Variants in JARID2 observed in about 807,000 individuals in gnomAD.
JARID2 encodes protein Jumonji.
A neutral mutation model predicts 125.6 loss-of-function variants in JARID2; 21 were observed. That is an observed-to-expected ratio of 0.17 (90% CI 0.12 to 0.24). The LOEUF is 0.24. JARID2 is among the 10% of genes least tolerant of loss of function. JARID2 has a pLI of 1.00. For synonymous variants in JARID2, 736 were observed against 661.6 expected (o/e 1.11, Z -1.73); for missense variants, 1,303 against 1,639.6 (o/e 0.79, Z 3.55).
At chr6:15,268,073 A>G (rs1257120305) in intron 1 of JARID2, among the ~76,000 whole-genome samples, 4 of 152,196 alleles carry the variant, frequency 2.6e-5, no homozygotes, top group African/African-American at 4.8e-5. Context: ...CTTCCTAGAA[A>G]TTGTGATAGT....
At chr6:15,462,858 C>T (rs1449976657) in intron 4 of JARID2, among the ~76,000 whole-genome samples, 1 of 152,222 alleles carries the variant, frequency 6.6e-6, no homozygotes, top group African/African-American at 2.4e-5. Context: ...ATAGAAACCA[C>T]AGCCTAAATT....
intron 3 of JARID2, among the ~76,000 whole-genome samples, chr6:15,441,619 C>T (rs887894238): frequency 1.3e-5 from 2 of 152,120 alleles, no homozygotes; most frequent in Non-Finnish European, 2.9e-5. Flanking sequence ...CCTTCTGGGA[C>T]TTAGAGGACA....
intron 1 of JARID2, among the ~76,000 whole-genome samples, chr6:15,365,319 A>G (rs1763935184): frequency 6.6e-6 from 1 of 152,132 alleles, no homozygotes; most frequent in African/African-American, 2.4e-5. Context: ...TTTTGATTAC[A>G]TTGAAAAAGC....
At chr6:15,305,532 GTTTC>G (rs759250135) in intron 1 of JARID2, among the ~76,000 whole-genome samples, 5 of 152,150 alleles carry the variant, frequency 3.3e-5, no homozygotes, top group Non-Finnish European at 7.3e-5. Context: ...CTTTAGTGCT[GTTTC>G]TTTCTCTTCT....
At position 15,336,553 on chromosome 6, in the gene JARID2, T is replaced by C. The variant is rs73726555; in HGVS notation, c.46-37564T>C. On this transcript the variant is annotated intron_variant, in intron 1 of 17. Transcript: ENST00000341776. ...GAAACCGTTTTGTCTGGGGAAAGAA[T>C]GTTCCCCAATGTTGAACACTACTGT... 8.1e-3 allele frequency among the ~76,000 whole-genome samples: 1,236 copies of C among 152,206 alleles called. 21 individuals are homozygous for C. Among genetic ancestry groups the C allele is most frequent in the African/African-American group, 0.029 (1,186 of 41,500 alleles).
chr6:15,281,655 A>T (rs533357611), intron 1 of JARID2, among the ~76,000 whole-genome samples: 1 of 152,248 alleles, frequency 6.6e-6, no homozygotes, highest in African/African-American at 2.4e-5. Context: ...GCTTTTTCTC[A>T]CGTAACAATA....
intron 5 of JARID2, among the ~76,000 whole-genome samples, chr6:15,473,447 T>G (rs191917396): frequency 1.3e-5 from 2 of 150,620 alleles, no homozygotes; most frequent in African/African-American, 4.9e-5. Context: ...CTCATTCATC[T>G]TTGTCATTCC....
intron 1 of JARID2, among the ~76,000 whole-genome samples, chr6:15,283,078 T>G (rs370412939): frequency 6.6e-6 from 1 of 150,814 alleles, no homozygotes; most frequent in African/African-American, 2.4e-5. Context: ...TCCCGGGTTC[T>G]TGCCATTCTC....
In JARID2 at chr6:15,521,341, AAAG is replaced by A. The variant is rs1471714417; in HGVS notation, c.*1093_*1095del. 1.8e-4 allele frequency: 27 copies of A among 152,202 alleles called. No individual in the cohort carries two copies. Among genetic ancestry groups the A allele is most frequent in the African/African-American group, 4.1e-4 (17 of 41,524 alleles). 9.4% of individuals were successfully genotyped at this position (152,202 alleles called of 1,614,324 possible). A position where few individuals can be genotyped will look rare whatever the true frequency, so the allele number is the denominator to read the frequency against. ...TCTTCATGTTGTAACAAAAAGGAAA[AAAG>A]AAAAAAAAATCCCATCCCTTTTGTA... On this transcript the variant is annotated 3_prime_UTR_variant, in exon 18 of 18. Transcript: ENST00000341776.
chr6:15,294,901 C>A (rs894554333), intron 1 of JARID2, among the ~76,000 whole-genome samples: 44 of 152,150 alleles, frequency 2.9e-4, no homozygotes, highest in African/African-American at 1.0e-3. Flanking sequence ...GGAGCAGAAG[C>A]TGTTTTAGGA....
intron 3 of JARID2, among the ~76,000 whole-genome samples, chr6:15,433,876 TTC>T (rs1172536515): frequency 6.6e-6 from 1 of 151,780 alleles, no homozygotes; most frequent in Non-Finnish European, 1.5e-5. Context: ...GTTTTTTAAA[TTC>T]TTTTAGGCCC....
intron 1 of JARID2, among the ~76,000 whole-genome samples, chr6:15,264,612 A>AGAGT (rs1554116823): frequency 2.6e-4 from 38 of 146,136 alleles, no homozygotes; most frequent in African/African-American, 9.2e-4. Context: ...GGTAGGTGTG[A>AGAGT]GTGTGTGTGT....
chr6:15,250,033 G>C (rs1262132628), intron 1 of JARID2, among the ~76,000 whole-genome samples: 1 of 152,134 alleles, frequency 6.6e-6, no homozygotes, highest in Non-Finnish European at 1.5e-5. Flanking sequence ...ACCACTATTT[G>C]ATCAGGTATC....
chr6:15,337,854 C>T (rs774359998), intron 1 of JARID2, among the ~76,000 whole-genome samples: 2 of 152,172 alleles, frequency 1.3e-5, no homozygotes, highest in Non-Finnish European at 2.9e-5. Context: ...TACAAACAGC[C>T]TCTAAAATGC....
chr6:15,513,587 T>C (rs551829564), intron 16 of JARID2, among the ~76,000 whole-genome samples, 165 bp downstream of exon 16: 1 of 152,298 alleles, frequency 6.6e-6, no homozygotes, highest in East Asian at 1.9e-4. Flanking sequence ...CCGCCGGAGG[T>C]GGCTGCCTCA....
chr6:15,516,269 A>G (rs1012620335), intron 16 of JARID2, among the ~76,000 whole-genome samples: 3 of 152,218 alleles, frequency 2.0e-5, no homozygotes, highest in African/African-American at 7.2e-5. Flanking sequence ...AGAAAGGCCT[A>G]TGACTCTTCT....
intron 4 of JARID2, 38 bp from the exon 5 acceptor site, chr6:15,468,504 A>AG: frequency 6.3e-7 from 1 of 1,580,162 alleles, no homozygotes; most frequent in East Asian, 2.2e-5. Context: ...GTGAGGGTCA[A>AG]GGCCTGTGTT....
In JARID2 at chr6:15,306,889, A is replaced by G. The variant is rs1761846873; in HGVS notation, c.45+60305A>G. Among the ~76,000 whole-genome samples the G allele has an allele frequency of 5.4e-5, 8 of 148,180 alleles. No individual in the cohort carries two copies. In the South Asian group the frequency reaches 1.7e-3, roughly 31 times the overall value. The stretch of plus-strand genomic sequence containing the variant: ...GAAGTTAATATATATATTTTATATT[A>G]ATTACATTATTATATATAATCAATT... On this transcript the variant is annotated intron_variant, in intron 1 of 17. Coordinates refer to ENST00000341776, the MANE Select transcript of JARID2 (RefSeq NM_004973.4).
intron 1 of JARID2, among the ~76,000 whole-genome samples, chr6:15,311,940 T>C (rs941719853): frequency 2.6e-5 from 4 of 152,236 alleles, no homozygotes; most frequent in African/African-American, 9.6e-5. Context: ...TTAACTTTTA[T>C]TTAATTTGGA....
Sources: gnomAD v4.1 joint callset for allele counts (sites outside exome capture counted in the v4.1 genomes callset) on GRCh38, gnomAD v4.1.1 for gene constraint, MANE v1.5 for transcripts, NCBI Gene and HGNC (gene_info 2026-07-23, HGNC 2026-07-21) for gene names.